Variants in GMDS observed in about 807,000 individuals in gnomAD.
GMDS encodes GDP-mannose 4,6-dehydratase, also known as GDP-mannose 4,6 dehydratase.
Under a neutral mutation model 49.9 loss-of-function variants are expected in GMDS, and 20 were observed. That is an observed-to-expected ratio of 0.40 (90% CI 0.28 to 0.58). The LOEUF (loss-of-function observed/expected upper bound fraction) is 0.58, where lower values mean the gene tolerates loss of function less well. GMDS is among the 20% of genes least tolerant of loss of function. GMDS has a pLI of 0.42. For missense variants in GMDS, 362 were observed against 481.4 expected, an observed-to-expected ratio of 0.75 and a Z score of 2.32; for synonymous variants, 177 against 178.6, an observed-to-expected ratio of 0.99 and a Z score of 0.07.
intron 7 of GMDS, among the ~76,000 whole-genome samples, chr6:1,910,588 C>T (rs1450397472): frequency 9.9e-5 from 15 of 152,106 alleles, no homozygotes; most frequent in Admixed American, 7.9e-4. Flanking sequence ...AGATTTGGAA[C>T]GGTGAAGTGA....
intron 1 of GMDS, among the ~76,000 whole-genome samples, chr6:2,182,999 C>T (rs756977726): frequency 1.3e-5 from 2 of 152,152 alleles, no homozygotes; most frequent in Non-Finnish European, 2.9e-5. Context: ...TGAGCCACCA[C>T]GCCCAGACAA....
intron 1 of GMDS, among the ~76,000 whole-genome samples, chr6:2,221,876 T>G (rs549059970): frequency 3.0e-4 from 46 of 151,962 alleles, no homozygotes; most frequent in Non-Finnish European, 7.4e-5. Flanking sequence ...CTGTGGCCAC[T>G]GCCCACAGGG....
At chr6:1,906,952 G>A (rs754698031) in intron 7 of GMDS, among the ~76,000 whole-genome samples, 1 of 152,168 alleles carries the variant, frequency 6.6e-6, no homozygotes, top group Non-Finnish European at 1.5e-5. Flanking sequence ...CCCAGCCTCC[G>A]AGAGGAGGCA....
chr6:1,784,538 A>G (rs79384702), intron 7 of GMDS, among the ~76,000 whole-genome samples: 9,823 of 152,200 alleles, frequency 0.065, 435 homozygotes, highest in Middle Eastern at 0.1. Flanking sequence ...AGGAGACAGC[A>G]GATTTGGCCG....
chr6:1,891,392 C>T (rs1208255774), intron 7 of GMDS, among the ~76,000 whole-genome samples: 1 of 152,170 alleles, frequency 6.6e-6, no homozygotes, highest in African/African-American at 2.4e-5. Context: ...TAAGCTGGTG[C>T]TATGAATGGC....
At chr6:2,221,908 C>A (rs1246390936) in intron 1 of GMDS, among the ~76,000 whole-genome samples, 1 of 151,742 alleles carries the variant, frequency 6.6e-6, no homozygotes, top group Non-Finnish European at 1.5e-5. Flanking sequence ...CTTGGTGCTG[C>A]CCCTTTAAGA....
chr6:2,178,346 T>TGGAAGGAGGTGAAGG (rs1313185078), intron 1 of GMDS, among the ~76,000 whole-genome samples: 1 of 151,916 alleles, frequency 6.6e-6, no homozygotes, highest in East Asian at 1.9e-4. Flanking sequence ...ACAATCATGG[T>TGGAAGGAGGTGAAGG]GGAAGGAGGT....
At chr6:1,886,069 G>C (rs568610912) in intron 7 of GMDS, among the ~76,000 whole-genome samples, 81 of 152,288 alleles carry the variant, frequency 5.3e-4, no homozygotes, top group African/African-American at 1.9e-3. Flanking sequence ...TCATTTGTCT[G>C]AGAAAAGAAG....
chr6:1,798,237 GCACACACACACACACACACACA>G (rs70992103), intron 7 of GMDS, among the ~76,000 whole-genome samples: 15 of 143,446 alleles, frequency 1.0e-4, no homozygotes, highest in Middle Eastern at 3.5e-3. Flanking sequence ...TAATTACAGA[GCACACACACACACACACACACA>G]CACACACACA....
intron 8 of GMDS, among the ~76,000 whole-genome samples, chr6:1,740,767 T>C (rs1286048347): frequency 4.6e-5 from 7 of 152,042 alleles, no homozygotes; most frequent in African/African-American, 1.7e-4. Context: ...CAAATTACAC[T>C]TCAAAGATTA....
At chr6:1,821,397 T>C (rs1414040711) in intron 7 of GMDS, among the ~76,000 whole-genome samples, 1 of 151,822 alleles carries the variant, frequency 6.6e-6, no homozygotes, top group Non-Finnish European at 1.5e-5. Context: ...CAGCTCGCTG[T>C]CGTGGGCTTT....
At chr6:1,838,432 AGT>A (rs1757019017) in intron 7 of GMDS, among the ~76,000 whole-genome samples, 1 of 152,264 alleles carries the variant, frequency 6.6e-6, no homozygotes, top group Admixed American at 6.5e-5. Context: ...AAGATCATGC[AGT>A]AATTAGTTCA....
chr6:1,702,000 G>A (rs1434932675), intron 9 of GMDS, among the ~76,000 whole-genome samples: 2 of 152,356 alleles, frequency 1.3e-5, no homozygotes, highest in African/African-American at 2.4e-5. Flanking sequence ...ACATTTTTGC[G>A]ATGGGGGTGT....
At chr6:1,999,998 A>ATAATATATATATAT (rs1766652467) in intron 4 of GMDS, among the ~76,000 whole-genome samples, 1 of 10,890 alleles carries the variant, frequency 9.2e-5, no homozygotes, top group African/African-American at 2.4e-4. Context: ...TATATATATT[A>ATAATATATATATAT]TATATATATA....
chr6:1,901,407 T>G (rs1219755348), intron 7 of GMDS, among the ~76,000 whole-genome samples: 1 of 152,164 alleles, frequency 6.6e-6, no homozygotes, highest in East Asian at 1.9e-4. Flanking sequence ...AAGTCAGCTT[T>G]TCATCCCATT....
rs972319613 is a variant in GMDS, at chr6:1,938,440, C to G, written c.644-8210G>C. Among the ~76,000 whole-genome samples, 78 of 152,202 alleles carry G rather than the reference C, an allele frequency of 5.1e-4. 1 individual carries two copies. The highest frequency in any genetic ancestry group is 2.6e-4 in the Admixed American group (4 of 15,288). ...TTTGAAAGAAGTTTTGCTAAGTGCA[C>G]AGTTCAAGGTTGAAAATTATCTTCT... On this transcript the variant is annotated intron_variant, in intron 6 of 10. Transcript: ENST00000380815.
intron 7 of GMDS, among the ~76,000 whole-genome samples, chr6:1,797,982 A>G (rs1769803274): frequency 6.6e-6 from 1 of 152,220 alleles, no homozygotes; most frequent in African/African-American, 2.4e-5. Flanking sequence ...TTCTAATGCT[A>G]GGAATGTCAC....
intron 1 of GMDS, among the ~76,000 whole-genome samples, chr6:2,154,032 T>C (rs1184363625): frequency 6.6e-6 from 1 of 152,190 alleles, no homozygotes; most frequent in Admixed American, 6.5e-5. Context: ...CATACAATAC[T>C]TTCATTAAAA....
chr6:2,093,233 A>C (rs1169435671), intron 4 of GMDS, among the ~76,000 whole-genome samples: 1 of 152,212 alleles, frequency 6.6e-6, no homozygotes, highest in Non-Finnish European at 1.5e-5. Flanking sequence ...TTAAAGAAAA[A>C]CAGGTCTACA....
Sources: gnomAD v4.1 joint callset for allele counts (sites outside exome capture counted in the v4.1 genomes callset) on GRCh38, gnomAD v4.1.1 for gene constraint, MANE v1.5 for transcripts, NCBI Gene and HGNC (gene_info 2026-07-23, HGNC 2026-07-21) for gene names.